CDH12: variants seen among roughly 807,000 people sequenced by gnomAD.
CDH12 encodes the protein cadherin 12.
A neutral mutation model predicts 74.1 loss-of-function variants in CDH12; 41 were observed. The ratio of observed to expected loss-of-function variants is 0.55; its 90% CI spans 0.43 to 0.72. The LOEUF is 0.72. Among genes scored for constraint, CDH12 ranks in the 30% least tolerant of loss-of-function variants. The pLI, the probability that CDH12 is intolerant of heterozygous loss-of-function variation, is 0.00. For missense variants in CDH12, 945 were observed against 977.2 expected (o/e 0.97, Z 0.44); for synonymous variants, 399 against 355.0 (o/e 1.12, Z -1.39).
intron 3 of CDH12, among the ~76,000 whole-genome samples, chr5:22,286,678 CT>C (rs56379593): frequency 0.96 from 139,627 of 145,880 alleles, 66,915 homozygotes; most frequent in South Asian, 0.99. Context: ...TCTTTCTTTC[CT>C]TTTTTTTTTT....
intron 2 of CDH12, among the ~76,000 whole-genome samples, chr5:22,472,344 C>T (rs1745995445): frequency 6.6e-6 from 1 of 152,056 alleles, no homozygotes; most frequent in African/African-American, 2.4e-5. Flanking sequence ...TTAGAATGCC[C>T]TAAGGATGAG....
chr5:21,910,254 C>G (rs1044064675), intron 6 of CDH12, among the ~76,000 whole-genome samples: 8 of 152,088 alleles, frequency 5.3e-5, no homozygotes, highest in Admixed American at 5.2e-4. Context: ...GGAAAAGGGA[C>G]TTTATTGACT....
intron 1 of CDH12, among the ~76,000 whole-genome samples, chr5:22,755,787 A>G (rs1358703199): frequency 2.6e-5 from 4 of 152,062 alleles, no homozygotes; most frequent in Non-Finnish European, 5.9e-5. Context: ...TTTCTTGGGT[A>G]TATACTCATT....
intron 1 of CDH12, among the ~76,000 whole-genome samples, chr5:22,647,278 A>G (rs545570386): frequency 1.5e-4 from 23 of 151,942 alleles, no homozygotes; most frequent in Non-Finnish European, 2.7e-4. Context: ...GTAGGTAAGG[A>G]CTGGCTCATT....
intron 1 of CDH12, chr5:22,639,050 C>CAAAAAAAAAAAAAA (rs545549665): frequency 1.6e-5 from 1 of 64,270 alleles, no homozygotes; most frequent in Non-Finnish European, 2.9e-5. Flanking sequence ...GAGTCCGCCT[C>CAAAAAAAAAAAAAA]AAAAAAAAAA....
At chr5:22,431,688 A>C (rs1458068162) in intron 2 of CDH12, among the ~76,000 whole-genome samples, 2 of 152,212 alleles carry the variant, frequency 1.3e-5, no homozygotes, top group Non-Finnish European at 2.9e-5. Context: ...AAAGACAGTG[A>C]TGTTGATGAT....
At chr5:21,956,022 C>T (rs1415837571) in intron 6 of CDH12, among the ~76,000 whole-genome samples, 1 of 151,670 alleles carries the variant, frequency 6.6e-6, no homozygotes, top group Non-Finnish European at 1.5e-5. Flanking sequence ...TGGAAAATAC[C>T]AGAGAAAGAT....
chr5:22,665,586 GT>G lies in CDH12; in HGVS notation c.-522-160223del, dbSNP rs1740572897. Among the ~76,000 whole-genome samples the G allele has an allele frequency of 2.6e-5, 4 of 152,178 alleles. No individual in the cohort carries two copies. The South Asian group carries it at 8.3e-4, about 32-fold the overall frequency. ...TAATGTTTAAACCTTCCTCATCTTAGTAAAAACTTTCTTATATTCTTATTGA... is the reference window on the plus strand; with the variant it reads ...TAATGTTTAAACCTTCCTCATCTTAGAAAAACTTTCTTATATTCTTATTGA... On this transcript the variant is annotated intron_variant, in intron 1 of 14. Transcript: ENST00000382254.
chr5:22,793,914 T>C (rs370778137), intron 1 of CDH12, among the ~76,000 whole-genome samples: 6 of 152,220 alleles, frequency 3.9e-5, no homozygotes, highest in African/African-American at 9.7e-5. Context: ...TATTATTGCA[T>C]TGATATTAGC....
At chr5:22,591,220 G>C (rs1292416676) in intron 1 of CDH12, among the ~76,000 whole-genome samples, 1 of 152,030 alleles carries the variant, frequency 6.6e-6, no homozygotes, top group Non-Finnish European at 1.5e-5. Context: ...TTTTTGAAAG[G>C]CTGAATTTTA....
intron 1 of CDH12, among the ~76,000 whole-genome samples, chr5:22,723,674 T>C (rs1251779140): frequency 2.0e-5 from 3 of 152,062 alleles, no homozygotes; most frequent in Non-Finnish European, 2.9e-5. Context: ...TTTGAGACAA[T>C]AATTTTAAGA....
At chr5:22,480,548 G>A (rs1746346423) in intron 2 of CDH12, among the ~76,000 whole-genome samples, 1 of 149,698 alleles carries the variant, frequency 6.7e-6, no homozygotes, top group Non-Finnish European at 1.5e-5. Flanking sequence ...TTGTACCACT[G>A]CACTCGAGTG....
intron 3 of CDH12, chr5:22,277,864 A>C (rs1279201524): frequency 6.3e-6 from 1 of 158,404 alleles, no homozygotes; most frequent in Non-Finnish European, 1.4e-5. Flanking sequence ...CAAACAAACA[A>C]ACGAAACAAT....
chr5:22,389,016 C>A (rs139140031), intron 3 of CDH12, among the ~76,000 whole-genome samples: 1 of 152,092 alleles, frequency 6.6e-6, no homozygotes, highest in Non-Finnish European at 1.5e-5. Flanking sequence ...TCTTGACAGC[C>A]GAGGGCAAAC....
chr5:22,162,618 A>G (rs6452064), intron 4 of CDH12, among the ~76,000 whole-genome samples: 132,602 of 151,976 alleles, frequency 0.87, 58,759 homozygotes, highest in East Asian at 1. Context: ...CCTGGTCGCA[A>G]GTATGATGTG....
chr5:22,329,780 C>T (rs1739270457), intron 3 of CDH12, among the ~76,000 whole-genome samples: 1 of 152,202 alleles, frequency 6.6e-6, no homozygotes. Context: ...CAGCCAGCGC[C>T]CACACATGGA....
At chr5:22,017,851 C>T (rs1459254472) in intron 5 of CDH12, among the ~76,000 whole-genome samples, 1 of 151,798 alleles carries the variant, frequency 6.6e-6, no homozygotes, top group Non-Finnish European at 1.5e-5. Context: ...CACCTGCCTC[C>T]CGAGTTCAAG....
chr5:22,178,758 T>A (rs1260700739), intron 4 of CDH12, among the ~76,000 whole-genome samples: 1 of 152,328 alleles, frequency 6.6e-6, no homozygotes, highest in South Asian at 2.1e-4. Flanking sequence ...GGTTCTACTA[T>A]ACCAAGAAAA....
At chr5:22,310,503 T>C (rs375671556) in intron 3 of CDH12, among the ~76,000 whole-genome samples, 1 of 151,468 alleles carries the variant, frequency 6.6e-6, no homozygotes, top group Non-Finnish European at 1.5e-5. Context: ...TAATAAACCA[T>C]TATAATTATA....
Sources: gnomAD v4.1 joint callset for allele counts (sites outside exome capture counted in the v4.1 genomes callset) on GRCh38, gnomAD v4.1.1 for gene constraint, MANE v1.5 for transcripts, NCBI Gene and HGNC (gene_info 2026-07-23, HGNC 2026-07-21) for gene names.